CNOT6: variants seen among roughly 807,000 people sequenced by gnomAD.
CNOT6 encodes carbon catabolite repression 4 protein.
In CNOT6, 12 loss-of-function variants were observed where a neutral mutation model predicts 61.2. That is an observed-to-expected ratio of 0.20 (90% CI 0.13 to 0.32). CNOT6 has a LOEUF of 0.32. Among genes scored for constraint, CNOT6 ranks in the 10% least tolerant of loss-of-function variants. CNOT6 has a pLI of 1.00. For missense variants in CNOT6, 405 were observed against 663.9 expected, an observed-to-expected ratio of 0.61 and a Z score of 4.28; for synonymous variants, 225 against 240.6, an observed-to-expected ratio of 0.94 and a Z score of 0.60.
At chr5:180,512,425 C>G (rs981018599) in intron 1 of CNOT6, among the ~76,000 whole-genome samples, 3 of 152,106 alleles carry the variant, frequency 2.0e-5, no homozygotes, top group African/African-American at 7.2e-5. Flanking sequence ...AATATTGGGA[C>G]AGAAGTCTGG....
At chr5:180,508,477 A>G (rs34753125) in intron 1 of CNOT6, among the ~76,000 whole-genome samples, 25,720 of 151,714 alleles carry the variant, frequency 0.17, 2,281 homozygotes, top group Non-Finnish European at 0.19. Context: ...ATGCCCAGCT[A>G]ATTTTTGTAT....
At chr5:180,526,343 G>A (rs2127718112) in intron 1 of CNOT6, among the ~76,000 whole-genome samples, 1 of 152,334 alleles carries the variant, frequency 6.6e-6, no homozygotes, top group South Asian at 2.1e-4. Context: ...AATGTGATGA[G>A]AGGAAGGAAG....
intron 2 of CNOT6, among the ~76,000 whole-genome samples, chr5:180,539,609 A>T (rs944026575): frequency 1.3e-5 from 1 of 75,690 alleles, no homozygotes; most frequent in African/African-American, 5.8e-5. Flanking sequence ...TTTTTTTTTG[A>T]GACGGAGTCT....
intron 3 of CNOT6, among the ~76,000 whole-genome samples, chr5:180,552,914 G>A (rs566536814): frequency 1.2e-4 from 18 of 151,694 alleles, no homozygotes; most frequent in South Asian, 6.2e-4. Flanking sequence ...CTTTTGAGTC[G>A]TTAACGAAAT....
In CNOT6 at chr5:180,567,188, C is replaced by T. The variant is rs1760508075; in HGVS notation, c.818C>T (p.Ser273Leu). ...FSPKSRARTM[S>L]EQERKHVDGC... ...CCTAAGTCTAGAGCTAGGACAATGT[C>T]AGAACAAGAAAGGAAACATGTTGAT... The change falls in exon 8 of 12, where the codon TCA (serine) becomes TTA (leucine). Residue 273 changes from serine (S) to leucine (L), a missense_variant. This residue lies in a region of CNOT6 where 24 missense variants were observed against 85.2 expected (regional missense o/e 0.28). Coordinates refer to ENST00000261951, the MANE Select transcript of CNOT6 (RefSeq NM_001370472.1). The T allele has an allele frequency of 6.2e-7, 1 of 1,612,906 alleles. No homozygotes were observed. Among genetic ancestry groups the T allele is most frequent in the Admixed American group, 1.7e-5 (1 of 59,808 alleles).
intron 2 of CNOT6, among the ~76,000 whole-genome samples, chr5:180,530,456 C>T (rs1204967208): frequency 6.6e-6 from 1 of 151,748 alleles, no homozygotes; most frequent in Non-Finnish European, 1.5e-5. Context: ...TTTGTCAGCT[C>T]AAAATTTCTG....
At position 180,554,632 on chromosome 5, in the gene CNOT6, A is replaced by G. The variant is rs540074895; in HGVS notation, c.385+1161A>G. Among the ~76,000 whole-genome samples the G allele has an allele frequency of 4.1e-4, 62 of 152,094 alleles. 2 individuals are homozygous for G. The highest frequency in any genetic ancestry group is 6.8e-3 in the Middle Eastern group (2 of 294). On this transcript the variant is annotated intron_variant, in intron 4 of 11. Transcript: ENST00000261951. ...TTTTCTGTGTGGGCTGAACTAGCTAAGGCTTCTAAATATAAAGGCCAGTGA... is the reference window on the plus strand; with the variant it reads ...TTTTCTGTGTGGGCTGAACTAGCTAGGGCTTCTAAATATAAAGGCCAGTGA...
rs1244116673 is a variant in CNOT6 at position 180,575,904 on chromosome 5, T to C, written c.*1704T>C. 6.6e-6 allele frequency: 1 copy of C among 151,558 alleles called. No homozygotes were observed. The highest frequency in any genetic ancestry group is 2.4e-5 in the African/African-American group (1 of 41,202). The allele number at this position is 151,558 out of a possible 1,614,324, so 9.4% of individuals were successfully genotyped here. On this transcript the variant is annotated 3_prime_UTR_variant, in exon 12 of 12. Transcript: ENST00000261951. The stretch of plus-strand genomic sequence containing the variant: ...AAATGATTCTTATGTTTTTTTTTTT[T>C]CTCCTTTTAGAAAATTCTCCAAAAG...
At chr5:180,506,902 T>C (rs1053994660) in intron 1 of CNOT6, among the ~76,000 whole-genome samples, 3 of 152,124 alleles carry the variant, frequency 2.0e-5, no homozygotes, top group Non-Finnish European at 2.9e-5. Context: ...ATTTAAGATA[T>C]GTAAATGGAA....
chr5:180,514,302 A>T (rs1288195635), intron 1 of CNOT6, among the ~76,000 whole-genome samples: 1 of 152,124 alleles, frequency 6.6e-6, no homozygotes, highest in African/African-American at 2.4e-5. Context: ...GGCGCCTGTA[A>T]TCCCATCTAC....
At chr5:180,523,429 A>G (rs1757961338) in intron 1 of CNOT6, among the ~76,000 whole-genome samples, 1 of 149,934 alleles carries the variant, frequency 6.7e-6, no homozygotes, top group Admixed American at 6.7e-5. Flanking sequence ...CCAGGGGCAC[A>G]CTCAAATGTT....
chr5:180,532,526 C>T (rs1758445235), intron 2 of CNOT6, among the ~76,000 whole-genome samples: 1 of 152,162 alleles, frequency 6.6e-6, no homozygotes, highest in Non-Finnish European at 1.5e-5. Flanking sequence ...TTTGCTCTCA[C>T]ACCACCACAG....
intron 2 of CNOT6, among the ~76,000 whole-genome samples, chr5:180,538,466 A>G (rs13168301): frequency 0.47 from 70,465 of 150,238 alleles, 17,485 homozygotes; most frequent in Non-Finnish European, 0.56. Context: ...GAGGCCGATT[A>G]CCTGAGCTCA....
intron 1 of CNOT6, among the ~76,000 whole-genome samples, chr5:180,513,293 G>A (rs867786675): frequency 1.3e-5 from 2 of 152,080 alleles, no homozygotes; most frequent in African/African-American, 4.8e-5. Context: ...AGTCTCCAGC[G>A]ATTTTCCCTC....
In CNOT6 at chr5:180,537,589, T is replaced by A. The variant is rs147081221; in HGVS notation, c.112+8201T>A. Among the ~76,000 whole-genome samples, 31 of 152,336 alleles carry A rather than the reference T, an allele frequency of 2.0e-4. 1 individual carries two copies. Among genetic ancestry groups the A allele is most frequent in the Middle Eastern group, 3.4e-3 (1 of 294 alleles). ...GTTGTCTTACTCTTTTGACCGTGTC[T>A]TTCACAGGGCAGAAGTGCTGAATTT... On this transcript the variant is annotated intron_variant, in intron 2 of 11. Transcript: ENST00000261951.
intron 2 of CNOT6, among the ~76,000 whole-genome samples, chr5:180,533,476 A>G (rs1758508332): frequency 1.3e-5 from 2 of 151,958 alleles, no homozygotes; most frequent in South Asian, 4.2e-4. Flanking sequence ...GCATGATTAT[A>G]CATAGCTTAC....
At chr5:180,566,910 T>C (rs900374120) in intron 7 of CNOT6, among the ~76,000 whole-genome samples, 178 bp from the exon 8 acceptor site, 2 of 152,122 alleles carry the variant, frequency 1.3e-5, no homozygotes, top group African/African-American at 4.8e-5. Flanking sequence ...CGCCTCGGCC[T>C]CTCAAAGTGC....
rs1041893074 is a variant in CNOT6, at chr5:180,574,579, C to A, written c.*379C>A. On this transcript the variant is annotated 3_prime_UTR_variant, in exon 12 of 12. Coordinates refer to ENST00000261951, the MANE Select transcript of CNOT6 (RefSeq NM_001370472.1). Reference sequence around the variant, plus strand: ...GAGGCCAGTAGCAACATCCAGAGATCATTCTTCCATACTTTACTCCCTCCT... The same window carrying A: ...GAGGCCAGTAGCAACATCCAGAGATAATTCTTCCATACTTTACTCCCTCCT... 1 of 242,640 alleles carries A rather than the reference C, an allele frequency of 4.1e-6. No homozygotes were observed. The highest frequency in any genetic ancestry group is 8.1e-6 in the Non-Finnish European group (1 of 123,224). 15.0% of individuals were successfully genotyped at this position (242,640 alleles called of 1,614,324 possible).
intron 4 of CNOT6, among the ~76,000 whole-genome samples, chr5:180,556,170 C>T (rs1356043686): frequency 1.3e-5 from 2 of 152,150 alleles, no homozygotes; most frequent in Admixed American, 6.5e-5. Context: ...AAGCCAGACA[C>T]AGACAAATAC....
Sources: gnomAD v4.1 joint callset for allele counts (sites outside exome capture counted in the v4.1 genomes callset) on GRCh38, gnomAD v4.1.1 for gene constraint, gnomAD v4.1.1 regional missense constraint, MANE v1.5 for transcripts, NCBI Gene and HGNC (gene_info 2026-07-23, HGNC 2026-07-21) for gene names.